Variants in RGS7BP observed in about 807,000 individuals in gnomAD.
RGS7BP encodes the protein regulator of G protein signaling 7-binding protein.
In RGS7BP, 9 loss-of-function variants were observed where a neutral mutation model predicts 31.3. That is an observed-to-expected ratio of 0.29 (90% CI 0.17 to 0.50). RGS7BP has a LOEUF of 0.50. RGS7BP is among the 20% of genes least tolerant of loss of function. The pLI is 0.98. For missense variants in RGS7BP, 274 were observed against 322.0 expected (o/e 0.85, Z 1.14); for synonymous variants, 115 against 120.1 (o/e 0.96, Z 0.28).
intron 3 of RGS7BP, among the ~76,000 whole-genome samples, chr5:64,585,565 G>T (rs2111929584): frequency 6.6e-6 from 1 of 152,180 alleles, no homozygotes; most frequent in Admixed American, 6.5e-5. Flanking sequence ...CACTCCTCTG[G>T]TGCCTGTGCC....
intron 5 of RGS7BP, among the ~76,000 whole-genome samples, chr5:64,608,187 C>T (rs781313596): frequency 9.9e-5 from 15 of 152,044 alleles, no homozygotes; most frequent in Non-Finnish European, 1.9e-4. Context: ...ATAACACTGC[C>T]CCAGTTGGAA....
chr5:64,595,094 T>C (rs953638021), intron 4 of RGS7BP, among the ~76,000 whole-genome samples: 2 of 152,134 alleles, frequency 1.3e-5, no homozygotes, highest in Non-Finnish European at 2.9e-5. Context: ...ACACCCACAG[T>C]AGGCACAGGC....
At chr5:64,550,776 T>G (rs1187895762) in intron 2 of RGS7BP, among the ~76,000 whole-genome samples, 1 of 132,344 alleles carries the variant, frequency 7.6e-6, no homozygotes, top group Non-Finnish European at 1.6e-5. Flanking sequence ...TTCCCCTTCC[T>G]GTGTCCATGT....
intron 4 of RGS7BP, among the ~76,000 whole-genome samples, chr5:64,596,098 T>G (rs1404711894): frequency 1.3e-5 from 2 of 152,226 alleles, no homozygotes; most frequent in African/African-American, 4.8e-5. Context: ...GGCATAAACA[T>G]CAGTGAAACC....
chr5:64,557,547 A>G (rs1231396709), intron 2 of RGS7BP, among the ~76,000 whole-genome samples: 1 of 152,118 alleles, frequency 6.6e-6, no homozygotes, highest in Non-Finnish European at 1.5e-5. Context: ...GACATCCTTC[A>G]AGCACTTTTT....
intron 2 of RGS7BP, among the ~76,000 whole-genome samples, chr5:64,545,268 A>G (rs1221811772): frequency 2.0e-5 from 3 of 151,922 alleles, no homozygotes; most frequent in African/African-American, 7.3e-5. Flanking sequence ...CTGTTGTGAG[A>G]TGGGGGAGTG....
intron 2 of RGS7BP, among the ~76,000 whole-genome samples, chr5:64,534,610 G>A (rs114575860): frequency 3.3e-5 from 5 of 152,128 alleles, no homozygotes; most frequent in African/African-American, 1.2e-4. Flanking sequence ...GTGGTGCTGT[G>A]CCATGAAACA....
chr5:64,537,926 G>T (rs979872378), intron 2 of RGS7BP, among the ~76,000 whole-genome samples: 2 of 152,196 alleles, frequency 1.3e-5, no homozygotes, highest in Non-Finnish European at 2.9e-5. Context: ...ACTGGGAAGA[G>T]TGGAAAAGAC....
chr5:64,537,568 C>CAA (rs1184877382), intron 2 of RGS7BP, among the ~76,000 whole-genome samples: 2 of 152,096 alleles, frequency 1.3e-5, no homozygotes, highest in Non-Finnish European at 2.9e-5. Flanking sequence ...CTAAGCTTTA[C>CAA]CTCTCCCCAG....
intron 2 of RGS7BP, among the ~76,000 whole-genome samples, chr5:64,537,838 A>G (rs1366790888): frequency 5.9e-5 from 9 of 152,222 alleles, no homozygotes; most frequent in African/African-American, 2.2e-4. Flanking sequence ...CCATTATGCT[A>G]TTCAAAGCCT....
At chr5:64,512,636 G>A (rs926050571) in intron 2 of RGS7BP, among the ~76,000 whole-genome samples, 2 of 152,070 alleles carry the variant, frequency 1.3e-5, no homozygotes, top group Non-Finnish European at 2.9e-5. Flanking sequence ...AATATAATAA[G>A]ACATTTAAAA....
At chr5:64,570,196 C>A (rs1742272367) in intron 2 of RGS7BP, among the ~76,000 whole-genome samples, 1 of 151,936 alleles carries the variant, frequency 6.6e-6, no homozygotes, top group Admixed American at 6.6e-5. Flanking sequence ...TATATTCAAG[C>A]AGAAGGCTAA....
intron 4 of RGS7BP, among the ~76,000 whole-genome samples, chr5:64,597,469 G>A (rs1324210710): frequency 6.6e-6 from 1 of 151,838 alleles, no homozygotes; most frequent in African/African-American, 2.4e-5. Flanking sequence ...ATTGTAAGGA[G>A]CTCTTTTCTG....
At chr5:64,559,974 C>A (rs1387850489) in intron 2 of RGS7BP, among the ~76,000 whole-genome samples, 1 of 152,166 alleles carries the variant, frequency 6.6e-6, no homozygotes, top group South Asian at 2.1e-4. Context: ...TAAAGGTTTA[C>A]TGGAAGTAAC....
Position 64,583,589 on chromosome 5 carries a change from A to C in RGS7BP, c.463+7685A>C, listed in dbSNP as rs1742660895. ...AATAAGTGCAATGAAAATAATTGAA[A>C]TAGAATGGATGATGATGTAATAGAA... On this transcript the variant is annotated intron_variant, in intron 3 of 5. Transcript: ENST00000334025. Among the ~76,000 whole-genome samples the C allele has an allele frequency of 3.9e-5, 6 of 152,180 alleles. No individual in the cohort carries two copies. The South Asian group carries it at 1.2e-3, about 32-fold the overall frequency.
chr5:64,593,010 G>T (rs1200928289), intron 3 of RGS7BP, among the ~76,000 whole-genome samples: 1 of 152,178 alleles, frequency 6.6e-6, no homozygotes, highest in Non-Finnish European at 1.5e-5. Context: ...ACTGTGAAAT[G>T]GTAATGTGCT....
At chr5:64,583,014 C>T (rs1044395788) in intron 3 of RGS7BP, among the ~76,000 whole-genome samples, 3 of 152,116 alleles carry the variant, frequency 2.0e-5, no homozygotes, top group African/African-American at 7.2e-5. Context: ...TGGAAACATG[C>T]ATTCATTCTT....
intron 2 of RGS7BP, among the ~76,000 whole-genome samples, chr5:64,514,096 C>A (rs186543702): frequency 6.6e-6 from 1 of 152,178 alleles, no homozygotes; most frequent in Non-Finnish European, 1.5e-5. Context: ...TCACATTCTT[C>A]GGTTTGGTGA....
Position 64,612,096 on chromosome 5 carries a change from A to G in RGS7BP, c.*2844A>G, listed in dbSNP as rs752581142. The G allele has an allele frequency of 2.0e-5, 3 of 152,038 alleles. No homozygotes were observed. Among genetic ancestry groups the G allele is most frequent in the Non-Finnish European group, 2.9e-5 (2 of 67,828 alleles). 9.4% of individuals were successfully genotyped at this position (152,038 alleles called of 1,614,324 possible). A position where few individuals can be genotyped will look rare whatever the true frequency, so the allele number is the denominator to read the frequency against. On this transcript the variant is annotated 3_prime_UTR_variant, in exon 6 of 6. Transcript: ENST00000334025. ...CTATCCTGTGTTGATTTTTTTTTCA[A>G]ATTACAAAGACAATACATGTTCTTT...
Sources: gnomAD v4.1 joint callset for allele counts (sites outside exome capture counted in the v4.1 genomes callset) on GRCh38, gnomAD v4.1.1 for gene constraint, MANE v1.5 for transcripts, NCBI Gene and HGNC (gene_info 2026-07-23, HGNC 2026-07-21) for gene names.